SUN2: variants seen among roughly 807,000 people sequenced by gnomAD.
The protein encoded by SUN2 is SUN domain-containing protein 2.
Under a neutral mutation model 100.0 loss-of-function variants are expected in SUN2, and 60 were observed. The ratio of observed to expected loss-of-function variants is 0.60; its 90% CI spans 0.49 to 0.74. The LOEUF (loss-of-function observed/expected upper bound fraction) is 0.74, where lower values mean the gene tolerates loss of function less well. SUN2 is among the 30% of genes least tolerant of loss of function. The pLI is 0.00. For missense variants in SUN2, 834 were observed against 954.6 expected (o/e 0.87, Z 1.66); for synonymous variants, 367 against 403.3 (o/e 0.91, Z 1.08).
rs949455151 is a variant in SUN2 at position 38,737,398 on chromosome 22, C to G, written c.2040+775G>C. Among the ~76,000 whole-genome samples the G allele has an allele frequency of 6.6e-6, 1 of 152,296 alleles. No individual in the cohort carries two copies. The highest frequency in any genetic ancestry group is 2.4e-5 in the African/African-American group (1 of 41,554). On this transcript the variant is annotated intron_variant, in intron 17 of 17. Coordinates refer to ENST00000689035, the MANE Select transcript of SUN2 (RefSeq NM_015374.3). The surrounding 1 kb of genome is among the most constrained non-coding windows in gnomAD (Gnocchi z 4.1). ...CTTTGTCCTCACTCCCAACGCCCCT[C>G]TCCCCCACCTATCCTGTTCTGGCTG...
At chr22:38,744,112 C>T (rs564678872) in intron 8 of SUN2, among the ~76,000 whole-genome samples, 17 of 152,016 alleles carry the variant, frequency 1.1e-4, no homozygotes, top group African/African-American at 2.7e-4. Flanking sequence ...TGGTGGTGCG[C>T]GCCTGTAGTC....
chr22:38,751,212 C>G lies in SUN2; in HGVS notation c.284G>C (p.Trp95Ser). 1 of 1,612,298 alleles carries G rather than the reference C, an allele frequency of 6.2e-7. No individual in the cohort carries two copies. The highest frequency in any genetic ancestry group is 8.5e-7 in the Non-Finnish European group (1 of 1,178,552). Residue 95 changes from tryptophan (W) to serine (S), a missense_variant and splice_region_variant, in exon 3 of 18, where the codon TGG becomes TCG. Physicochemically the swap from Trp to Ser is radical, Grantham distance 177. This residue lies in a region of SUN2 where 559 missense variants were observed against 597.7 expected (regional missense o/e 0.94). Coordinates refer to ENST00000689035, the MANE Select transcript of SUN2 (RefSeq NM_015374.3). ...SLEELHGDANWGEDLRVRRRR... is the reference protein window; with the variant it reads ...SLEELHGDANSGEDLRVRRRR... ...GGGACGGAGGGCTCCACACTCACCC[C>G]AGTTGGCGTCACCATGCAGTTCCTC...
At chr22:38,747,676 C>G (rs2092914433) in intron 7 of SUN2, among the ~76,000 whole-genome samples, 1 of 152,230 alleles carries the variant, frequency 6.6e-6, no homozygotes, top group Admixed American at 6.5e-5. Flanking sequence ...GGTGCAGTGG[C>G]TCACACCTGT....
chr22:38,750,564 G>A (rs2092937386), intron 4 of SUN2, among the ~76,000 whole-genome samples: 1 of 152,242 alleles, frequency 6.6e-6, no homozygotes, highest in South Asian at 2.1e-4. Context: ...ACTAGGTGCT[G>A]GGGTCTGACA....
At chr22:38,750,784 C>T (rs765942316) in intron 4 of SUN2, 114 bp downstream of exon 4, 4 of 1,489,826 alleles carry the variant, frequency 2.7e-6, no homozygotes, top group South Asian at 1.3e-5. Context: ...ATGGGAGGGG[C>T]GCTGTGCCTG....
At position 38,736,289 on chromosome 22, in the gene SUN2, A is replaced by G; in HGVS notation, c.2132T>C (p.Val711Ala). The G allele has an allele frequency of 6.2e-7, 1 of 1,613,662 alleles. No individual in the cohort carries two copies. The highest frequency in any genetic ancestry group is 1.1e-5 in the South Asian group (1 of 91,060). The change falls in exon 18 of 18, where the codon GTG becomes GCG. Residue 711 changes from valine (V) to alanine (A), a missense_variant. Val to Ala is a moderately conservative substitution (Grantham distance 64, BLOSUM62 0). This residue lies in a region of SUN2 where 80 missense variants were observed against 76.7 expected (regional missense o/e 1.04). Transcript: ENST00000689035. ...PEYTCIYRFR[V>A]HGEPAH ...GGGCTAGTGGGCGGGCTCCCCATGC[A>G]CTCTGAAGCGGTAGATGCAGGTGTA...
In SUN2 at chr22:38,739,833, C is replaced by A. The variant is rs148038201; in HGVS notation, c.1467G>T (p.Glu489Asp). 1 of 1,613,506 alleles carries A rather than the reference C, an allele frequency of 6.2e-7. No individual in the cohort carries two copies. The highest frequency in any genetic ancestry group is 8.5e-7 in the Non-Finnish European group (1 of 1,180,032). ...EEMQAQLRELESKILTHVAEM... is the reference protein window; with the variant it reads ...EEMQAQLRELDSKILTHVAEM... Reference sequence around the variant, plus strand: ...CTGCCACATGGGTGAGGATCTTGCTCTCCAGCTCTCGCAGCTGAGCTTGCA... The same window carrying A: ...CTGCCACATGGGTGAGGATCTTGCTATCCAGCTCTCGCAGCTGAGCTTGCA... Residue 489 changes from glutamate to aspartate, a missense_variant, in exon 13 of 18, where the codon GAG becomes GAT. By Grantham distance (45) the Glu-to-Asp change is conservative (BLOSUM62 2). Transcript: ENST00000689035. This position sits in a 1 kb window ranked among gnomAD's most constrained non-coding sequence, Gnocchi z 6.7.
At position 38,735,241 on chromosome 22, in the gene SUN2, G is replaced by A. The variant is rs1477452281; in HGVS notation, c.*1026C>T. On this transcript the variant is annotated 3_prime_UTR_variant, in exon 18 of 18. Coordinates refer to ENST00000689035, the MANE Select transcript of SUN2 (RefSeq NM_015374.3). ...CCCACAGAGAACAAACCAGAAGGGC[G>A]ACTACCTGAACAAGAGCTGCAAGAG... 8 of 455,588 alleles carry A rather than the reference G, an allele frequency of 1.8e-5. No individual in the cohort carries two copies. Among genetic ancestry groups the A allele is most frequent in the Middle Eastern group, 3.3e-4 (1 of 3,054 alleles). 28.2% of individuals were successfully genotyped at this position (455,588 alleles called of 1,614,324 possible).
chr22:38,738,686 A>G lies in SUN2; in HGVS notation c.1848T>C (p.Ser616=). The change falls in exon 16 of 18, where the codon TCT becomes TCC. Residue 616 remains serine, a synonymous_variant. Coordinates refer to ENST00000689035, the MANE Select transcript of SUN2 (RefSeq NM_015374.3). This position sits in a 1 kb window ranked among gnomAD's most constrained non-coding sequence, Gnocchi z 6.6. The stretch of plus-strand genomic sequence containing the variant: ...TAACGGCTGTGGGGCGGATGCGGGC[A>G]GAGAGGCGGACCACGGCGAAGCCTT... ...GPQGFAVVRL[S]ARIRPTAVTL... The G allele has an allele frequency of 1.2e-6, 2 of 1,613,810 alleles. No homozygotes were observed. The highest frequency in any genetic ancestry group is 1.7e-6 in the Non-Finnish European group (2 of 1,180,020).
rs139117890 is a variant in SUN2 at position 38,737,418 on chromosome 22, T to C, written c.2040+755A>G. On this transcript the variant is annotated intron_variant, in intron 17 of 17. Coordinates refer to ENST00000689035, the MANE Select transcript of SUN2 (RefSeq NM_015374.3). This position sits in a 1 kb window ranked among gnomAD's most constrained non-coding sequence, Gnocchi z 4.1. ...CCCCTCTCCCCCACCTATCCTGTTC[T>C]GGCTGCTTTCCCTCAACCACTTCCT... Among the ~76,000 whole-genome samples the C allele has an allele frequency of 2.0e-4, 31 of 152,302 alleles. 1 individual carries two copies. The East Asian group carries it at 5.8e-3, about 28-fold the overall frequency.
chr22:38,755,016 C>T lies in SUN2; in HGVS notation c.-38+747G>A. ...ATCATAATAGACACCACCCCCGCCCCACCTCCTCCCTAACAATCAGTTAGG... is the reference window on the plus strand; with the variant it reads ...ATCATAATAGACACCACCCCCGCCCTACCTCCTCCCTAACAATCAGTTAGG... On this transcript the variant is annotated intron_variant, in intron 1 of 17. Transcript: ENST00000689035. This position sits in a 1 kb window ranked among gnomAD's most constrained non-coding sequence, Gnocchi z 5.7. 2 of 1,243,964 alleles carry T rather than the reference C, an allele frequency of 1.6e-6. No individual in the cohort carries two copies. Among genetic ancestry groups the T allele is most frequent in the Non-Finnish European group, 2.1e-6 (2 of 952,860 alleles). The allele number at this position is 1,243,964 out of a possible 1,614,324, so 77.1% of individuals were successfully genotyped here.
intron 5 of SUN2, 133 bp downstream of exon 5, chr22:38,750,092 G>A (rs2092932907): frequency 1.4e-6 from 2 of 1,387,632 alleles, no homozygotes; most frequent in Admixed American, 4.9e-5. Context: ...GGCTCCCAGT[G>A]ATTATTCTAG....
chr22:38,738,920 C>T lies in SUN2; in HGVS notation c.1732G>A (p.Gly578Ser), dbSNP rs750800615. The T allele has an allele frequency of 1.6e-5, 26 of 1,612,112 alleles. No homozygotes were observed. Among genetic ancestry groups the T allele is most frequent in the African/African-American group, 1.2e-4 (9 of 74,856 alleles). Residue 578 changes from glycine (G) to serine (S), a missense_variant, in exon 15 of 18, where the codon GGC becomes AGC. By Grantham distance (56) the Gly-to-Ser change is moderately conservative (BLOSUM62 0). This residue lies in a region of SUN2 where 195 missense variants were observed against 280.2 expected (regional missense o/e 0.70). Transcript: ENST00000689035. The surrounding 1 kb of genome is among the most constrained non-coding windows in gnomAD (Gnocchi z 6.6). ...TGGGAGTGGTACCACAGGGGGATGCCGAAGAGGCTGAGGAGGGCCGTCTTG... is the reference window on the plus strand; with the variant it reads ...TGGGAGTGGTACCACAGGGGGATGCTGAAGAGGCTGAGGAGGGCCGTCTTG... Reference protein sequence around the residue: ...ETKTALLSLFGIPLWYHSQSP... With the variant: ...ETKTALLSLFSIPLWYHSQSP...
In SUN2 at chr22:38,738,680, G is replaced by A; in HGVS notation, c.1854C>T (p.Arg618=). 1 of 1,613,906 alleles carries A rather than the reference G, an allele frequency of 6.2e-7. No homozygotes were observed. Among genetic ancestry groups the A allele is most frequent in the Non-Finnish European group, 8.5e-7 (1 of 1,180,024 alleles). The part of the protein sequence containing the change: ...QGFAVVRLSA[R]IRPTAVTLEH... Reference sequence around the variant, plus strand: ...CTAAGGTAACGGCTGTGGGGCGGATGCGGGCAGAGAGGCGGACCACGGCGA... The same window carrying A: ...CTAAGGTAACGGCTGTGGGGCGGATACGGGCAGAGAGGCGGACCACGGCGA... Residue 618 remains arginine, a synonymous_variant, in exon 16 of 18, where the codon CGC becomes CGT. Transcript: ENST00000689035. This position sits in a 1 kb window ranked among gnomAD's most constrained non-coding sequence, Gnocchi z 6.6.
chr22:38,739,015 G>A lies in SUN2; in HGVS notation c.1664-27C>T. 1 of 1,589,178 alleles carries A rather than the reference G, an allele frequency of 6.3e-7. No homozygotes were observed. The highest frequency in any genetic ancestry group is 8.6e-7 in the Non-Finnish European group (1 of 1,167,936). On this transcript the variant is annotated intron_variant, in intron 14 of 17. Coordinates refer to ENST00000689035, the MANE Select transcript of SUN2 (RefSeq NM_015374.3). The surrounding 1 kb of genome is among the most constrained non-coding windows in gnomAD (Gnocchi z 6.7). The stretch of plus-strand genomic sequence containing the variant: ...TGAGACAGGAGAGGAAGGCAGGGTG[G>A]GCTCCCGCACGGGAGGAGGGCCCCG...
chr22:38,738,455 C>A lies in SUN2; in HGVS notation c.1947+132G>T, dbSNP rs1395996238. ...ACAGGGACTGAAGTGCTGTCTCCCACCCTAGCTCCTCCTCTTCCAAATCCA... is the reference window on the plus strand; with the variant it reads ...ACAGGGACTGAAGTGCTGTCTCCCAACCTAGCTCCTCCTCTTCCAAATCCA... On this transcript the variant is annotated intron_variant, in intron 16 of 17. Coordinates refer to ENST00000689035, the MANE Select transcript of SUN2 (RefSeq NM_015374.3). This position sits in a 1 kb window ranked among gnomAD's most constrained non-coding sequence, Gnocchi z 6.6. 3.8e-6 allele frequency: 5 copies of A among 1,306,630 alleles called. No individual in the cohort carries two copies. The Admixed American group carries it at 1.0e-4, about 27-fold the overall frequency. The allele number at this position is 1,306,630 out of a possible 1,614,324, so 80.9% of individuals were successfully genotyped here.
At position 38,742,414 on chromosome 22, in the gene SUN2, C is replaced by T; in HGVS notation, c.955G>A (p.Gly319Ser). 2.5e-6 allele frequency: 4 copies of T among 1,613,412 alleles called. No homozygotes were observed. In the South Asian group the frequency reaches 4.4e-5, roughly 18 times the overall value. ...ELRQGAPGQG[G>S]GGGLSHEDTL... The stretch of plus-strand genomic sequence containing the variant: ...TCCTCGTGGCTCAGGCCACCACCAC[C>T]TCCCTGGCCAGGAGCCCCTTGCCGC... Residue 319 changes from glycine (G) to serine (S), a missense_variant, in exon 9 of 18, where the codon GGT (glycine) becomes AGT (serine). Physicochemically the swap from Gly to Ser is moderately conservative, Grantham distance 56. Around this residue, in one of 3 missense-constraint regions of SUN2, gnomAD observed 559 missense variants for 597.7 expected, o/e 0.94. Transcript: ENST00000689035.
rs749877284 is a variant in SUN2, at chr22:38,739,830, GCT to G, written c.1468_1469del (p.Ser490GlnfsTer51). 6.2e-7 allele frequency: 1 copy of G among 1,613,596 alleles called. No homozygotes were observed. The highest frequency in any genetic ancestry group is 1.1e-5 in the South Asian group (1 of 91,092). On this transcript the variant is annotated frameshift_variant, in exon 13 of 18. Transcript: ENST00000689035. LOFTEE classifies it high-confidence loss of function. The surrounding 1 kb of genome is among the most constrained non-coding windows in gnomAD (Gnocchi z 6.7). ...TCTCTGCCACATGGGTGAGGATCTT[GCT>G]CTCCAGCTCTCGCAGCTGAGCTTGC... ...EMQAQLRELE[S>X]KILTHVAEMQ...
In SUN2 at chr22:38,748,789, C is replaced by G. The variant is rs376526836; in HGVS notation, c.615-6G>C. 1 of 1,614,072 alleles carries G rather than the reference C, an allele frequency of 6.2e-7. No individual in the cohort carries two copies. The highest frequency in any genetic ancestry group is 1.3e-5 in the African/African-American group (1 of 74,928). On this transcript the variant is annotated splice_region_variant and splice_polypyrimidine_tract_variant and intron_variant, in intron 6 of 17. Coordinates refer to ENST00000689035, the MANE Select transcript of SUN2 (RefSeq NM_015374.3). ...TCTTCAGGGACGAGAAGCGCCTGGA[C>G]CACGCGGGAGGGCAGGACGGGGGAG...
Sources: allele counts gnomAD v4.1 joint callset (sites outside exome capture counted in the v4.1 genomes callset), GRCh38; gene constraint gnomAD v4.1.1; regional missense constraint gnomAD v4.1.1; non-coding constraint Gnocchi (gnomAD v3.1); transcripts MANE v1.5; gene names NCBI Gene and HGNC (gene_info 2026-07-23, HGNC 2026-07-21).